Variants in ANGPT1 observed in about 807,000 individuals in gnomAD.
ANGPT1 encodes angiopoietin 1.
A neutral mutation model predicts 62.2 loss-of-function variants in ANGPT1; 17 were observed. That is an observed-to-expected ratio of 0.27 (90% CI 0.19 to 0.41). The LOEUF (loss-of-function observed/expected upper bound fraction) is 0.41, where lower values mean the gene tolerates loss of function less well. Among genes scored for constraint, ANGPT1 ranks in the 10% least tolerant of loss-of-function variants. ANGPT1 has a pLI of 1.00. For missense variants in ANGPT1, 478 were observed against 594.9 expected (o/e 0.80, Z 2.04); for synonymous variants, 199 against 198.9 (o/e 1.00, Z 0.00).
intron 1 of ANGPT1, among the ~76,000 whole-genome samples, chr8:107,410,777 T>C (rs1817252395): frequency 6.6e-6 from 1 of 152,190 alleles, no homozygotes; most frequent in African/African-American, 2.4e-5. Context: ...AATATTTAAC[T>C]ATTACCCATT....
intron 1 of ANGPT1, among the ~76,000 whole-genome samples, chr8:107,459,320 C>A (rs1022185272): frequency 6.6e-6 from 1 of 152,026 alleles, no homozygotes; most frequent in African/African-American, 2.4e-5. Context: ...GAGACCCAGG[C>A]GGGCAGATTA....
chr8:107,457,866 A>ACC (rs57718737), intron 1 of ANGPT1, among the ~76,000 whole-genome samples: 8,440 of 115,916 alleles, frequency 0.073, 722 homozygotes, highest in African/African-American at 0.09. Flanking sequence ...ACACACACAC[A>ACC]CCAAGAGGGG....
chr8:107,258,846 C>G (rs1295583982), intron 8 of ANGPT1, among the ~76,000 whole-genome samples: 1 of 152,176 alleles, frequency 6.6e-6, no homozygotes, highest in Non-Finnish European at 1.5e-5. Context: ...AATATAAGTT[C>G]ATGCAAGAAT....
At chr8:107,465,425 G>A (rs1812175086) in intron 1 of ANGPT1, among the ~76,000 whole-genome samples, 1 of 151,998 alleles carries the variant, frequency 6.6e-6, no homozygotes, top group Admixed American at 6.6e-5. Context: ...AAAACCAATT[G>A]AATTGGACTA....
chr8:107,460,461 G>A (rs1812039383), intron 1 of ANGPT1, among the ~76,000 whole-genome samples: 1 of 152,150 alleles, frequency 6.6e-6, no homozygotes, highest in African/African-American at 2.4e-5. Flanking sequence ...TTGAACCTGT[G>A]CATTTATAAC....
chr8:107,268,671 TA>T (rs1259285927), intron 7 of ANGPT1, among the ~76,000 whole-genome samples: 1 of 152,102 alleles, frequency 6.6e-6, no homozygotes, highest in Non-Finnish European at 1.5e-5. Context: ...AAAATAAAAA[TA>T]TGCTTAAGGT....
chr8:107,386,545 G>C (rs973172116), intron 1 of ANGPT1, among the ~76,000 whole-genome samples: 5 of 152,098 alleles, frequency 3.3e-5, no homozygotes, highest in Non-Finnish European at 7.4e-5. Context: ...GTATTTGTTA[G>C]AGATAAGCCA....
intron 1 of ANGPT1, among the ~76,000 whole-genome samples, chr8:107,386,203 G>A (rs1244725093): frequency 6.6e-6 from 1 of 151,978 alleles, no homozygotes; most frequent in Admixed American, 6.6e-5. Flanking sequence ...AGTACATGTG[G>A]ACAAAAAGAA....
intron 3 of ANGPT1, among the ~76,000 whole-genome samples, chr8:107,332,264 G>A (rs1054929605): frequency 2.0e-5 from 3 of 152,168 alleles, no homozygotes; most frequent in Admixed American, 6.5e-5. Flanking sequence ...GTTCTTGGTT[G>A]TGTAATTCCA....
chr8:107,299,556 GC>G (rs1814512394), intron 5 of ANGPT1, among the ~76,000 whole-genome samples: 1 of 129,188 alleles, frequency 7.7e-6, no homozygotes, highest in African/African-American at 3.2e-5. Context: ...GATATACATA[GC>G]ATATATAGAT....
At chr8:107,401,169 GTCTT>G (rs1817040035) in intron 1 of ANGPT1, among the ~76,000 whole-genome samples, 1 of 151,846 alleles carries the variant, frequency 6.6e-6, no homozygotes. Flanking sequence ...ATTCAAAACA[GTCTT>G]TATTGTCAGT....
chr8:107,494,933 T>G (rs977196655), intron 1 of ANGPT1: 2 of 152,206 alleles, frequency 1.3e-5, no homozygotes, highest in Admixed American at 6.5e-5. Context: ...ACTGATAGCC[T>G]CAGTTTCTGC....
intron 4 of ANGPT1, among the ~76,000 whole-genome samples, chr8:107,306,984 A>G (rs1814734356): frequency 1.3e-5 from 2 of 152,172 alleles, no homozygotes; most frequent in Admixed American, 6.6e-5. Context: ...GAGACCTGAA[A>G]GAGGGCTGTA....
chr8:107,251,566 G>A lies in ANGPT1; in HGVS notation c.*289C>T. On this transcript the variant is annotated 3_prime_UTR_variant, in exon 9 of 9. Coordinates refer to ENST00000517746, the MANE Select transcript of ANGPT1 (RefSeq NM_001146.5). Reference sequence around the variant, plus strand: ...CATAGTTCCAAAATAAGGTCCAGTAGTAGTTTGAAGCACAGCAAGCTCAGC... The same window carrying A: ...CATAGTTCCAAAATAAGGTCCAGTAATAGTTTGAAGCACAGCAAGCTCAGC... The A allele has an allele frequency of 3.2e-6, 1 of 311,162 alleles. No individual in the cohort carries two copies. Among genetic ancestry groups the A allele is most frequent in the Non-Finnish European group, 6.0e-6 (1 of 167,210 alleles). The allele number at this position is 311,162 out of a possible 1,614,324, so 19.3% of individuals were successfully genotyped here.
intron 1 of ANGPT1, among the ~76,000 whole-genome samples, chr8:107,454,180 G>A (rs1021371677): frequency 6.6e-6 from 1 of 152,040 alleles, no homozygotes; most frequent in Non-Finnish European, 1.5e-5. Flanking sequence ...AAAGAACTAA[G>A]CATAGTGCAT....
intron 1 of ANGPT1, among the ~76,000 whole-genome samples, chr8:107,457,310 A>G (rs970573348): frequency 1.3e-5 from 2 of 152,088 alleles, no homozygotes; most frequent in African/African-American, 2.4e-5. Context: ...TCTTCCTGTC[A>G]TTTGGAAATA....
At chr8:107,366,361 C>T (rs1816272771) in intron 1 of ANGPT1, among the ~76,000 whole-genome samples, 2 of 152,164 alleles carry the variant, frequency 1.3e-5, no homozygotes, top group East Asian at 1.9e-4. Flanking sequence ...TATCATATTA[C>T]ACCACCAAAA....
intron 1 of ANGPT1, among the ~76,000 whole-genome samples, chr8:107,427,873 C>T (rs1294507547): frequency 3.3e-5 from 5 of 152,282 alleles, no homozygotes; most frequent in Non-Finnish European, 5.9e-5. Context: ...GACACAGCTC[C>T]TAAAACAGAA....
chr8:107,419,783 C>T (rs1586306857), intron 1 of ANGPT1, among the ~76,000 whole-genome samples: 1 of 152,078 alleles, frequency 6.6e-6, no homozygotes, highest in Admixed American at 6.6e-5. Context: ...TTTGGGTTAT[C>T]TCAAAGCTTG....
Sources: gnomAD v4.1 joint callset for allele counts (sites outside exome capture counted in the v4.1 genomes callset) on GRCh38, gnomAD v4.1.1 for gene constraint, MANE v1.5 for transcripts, NCBI Gene and HGNC (gene_info 2026-07-23, HGNC 2026-07-21) for gene names.